Variants in ABCC12 observed in about 807,000 individuals in gnomAD.
ABCC12 encodes the protein ATP-binding cassette sub-family C member 12.
ABCC12 carries 142 observed loss-of-function variants against 151.1 expected under a neutral mutation model. The ratio of observed to expected loss-of-function variants is 0.94; its 90% confidence interval spans 0.82 to 1.08. ABCC12 has a LOEUF of 1.08. Among genes scored for constraint, ABCC12 ranks in the 50% least tolerant of loss-of-function variants. The pLI is 0.00. For missense variants in ABCC12, 1,638 were observed against 1,691.1 expected, an observed-to-expected ratio of 0.97 and a Z score of 0.55; for synonymous variants, 645 against 646.4, an observed-to-expected ratio of 1.00 and a Z score of 0.03.
chr16:48,084,444 G>A (rs1402324013), intron 29 of ABCC12, among the ~76,000 whole-genome samples: 1 of 152,214 alleles, frequency 6.6e-6, no homozygotes, highest in Non-Finnish European at 1.5e-5. Context: ...CTATATTGCT[G>A]CCATACCAAA....
chr16:48,110,401 T>A (rs1963644228), intron 18 of ABCC12, among the ~76,000 whole-genome samples: 1 of 152,208 alleles, frequency 6.6e-6, no homozygotes, highest in Admixed American at 6.5e-5. Flanking sequence ...GTGCGAAGTT[T>A]TTTTTTTGGC....
At chr16:48,122,283 C>T (rs1310827438) in intron 12 of ABCC12, among the ~76,000 whole-genome samples, 1 of 152,230 alleles carries the variant, frequency 6.6e-6, no homozygotes, top group Non-Finnish European at 1.5e-5. Flanking sequence ...TTGGCACACC[C>T]CATCTTCAGG....
At chr16:48,101,140 T>G in intron 22 of ABCC12, 131 bp from the exon 23 acceptor site, 2 of 1,117,266 alleles carry the variant, frequency 1.8e-6, no homozygotes, top group Non-Finnish European at 2.5e-6. Context: ...TAACTGGGGA[T>G]GAAGAGCAGC....
intron 3 of ABCC12, among the ~76,000 whole-genome samples, chr16:48,144,497 G>T (rs764390283): frequency 1.3e-5 from 2 of 148,430 alleles, no homozygotes; most frequent in Non-Finnish European, 3.0e-5. Flanking sequence ...GCCCAGAATT[G>T]CAGGGCATTA....
chr16:48,091,363 G>A lies in ABCC12; in HGVS notation c.3196-154C>T, dbSNP rs914607781. On this transcript the variant is annotated intron_variant, in intron 24 of 30. Transcript: ENST00000311303. ...GCCTGCCTTCCCAGCCAAGCGCCCA[G>A]AAGTAAAGATATTCCTGTTCGGGTG... 7.4e-6 allele frequency: 5 copies of A among 674,936 alleles called. No homozygotes were observed. The Admixed American group carries it at 1.2e-4, about 16-fold the overall frequency. 41.8% of individuals were successfully genotyped at this position (674,936 alleles called of 1,614,324 possible). A position where few individuals can be genotyped will look rare whatever the true frequency, so the allele number is the denominator to read the frequency against.
chr16:48,121,904 A>T, intron 12 of ABCC12, 64 bp from the exon 13 acceptor site: 1 of 1,604,898 alleles, frequency 6.2e-7, no homozygotes, highest in East Asian at 2.2e-5. Context: ...TCAAATGCCC[A>T]TTGCACCCTG....
At chr16:48,123,131 A>G (rs549637092) in intron 12 of ABCC12, among the ~76,000 whole-genome samples, 7 of 152,326 alleles carry the variant, frequency 4.6e-5, no homozygotes, top group Admixed American at 1.3e-4. Context: ...AAGGAGGCAA[A>G]TTTCACTCCA....
intron 15 of ABCC12, 133 bp downstream of exon 15, chr16:48,115,282 C>T: frequency 9.2e-7 from 1 of 1,081,496 alleles, no homozygotes; most frequent in African/African-American, 1.6e-5. Context: ...ATGAGTGTCT[C>T]TTGCATCCCT....
At chr16:48,092,619 T>G (rs1320642723) in intron 24 of ABCC12, among the ~76,000 whole-genome samples, 3 of 152,194 alleles carry the variant, frequency 2.0e-5, no homozygotes, top group Non-Finnish European at 4.4e-5. Context: ...GGCCAGGTAC[T>G]GGTTGGGGTG....
chr16:48,129,655 T>C (rs935581754), intron 10 of ABCC12, among the ~76,000 whole-genome samples: 5 of 152,056 alleles, frequency 3.3e-5, no homozygotes, highest in Non-Finnish European at 7.4e-5. Flanking sequence ...TTTTGACAGC[T>C]CTCTTGGGGT....
At position 48,138,275 on chromosome 16, in the gene ABCC12, A is replaced by G; in HGVS notation, c.932T>C (p.Leu311Pro). The G allele has an allele frequency of 6.2e-7, 1 of 1,612,556 alleles. No homozygotes were observed. Among genetic ancestry groups the G allele is most frequent in the Non-Finnish European group, 8.5e-7 (1 of 1,178,840 alleles). The change falls in exon 8 of 31, where the codon CTG (leucine) becomes CCG (proline). Residue 311 changes from leucine (L) to proline (P), a missense_variant. By Grantham distance (98) the Leu-to-Pro change is moderately conservative (BLOSUM62 -3). Coordinates refer to ENST00000311303, the MANE Select transcript of ABCC12 (RefSeq NM_001393797.1). ...TTTCTCCCAGGCATACATTTTGATCAGCCTGATGCAGGTCAGAAACTCATT... is the reference window on the plus strand; with the variant it reads ...TTTCTCCCAGGCATACATTTTGATCGGCCTGATGCAGGTCAGAAACTCATT... ...TMNEFLTCIR[L>P]IKMYAWEKSF... is the part of the protein sequence containing the mutation.
chr16:48,111,781 ACT>A lies in ABCC12; in HGVS notation c.2117_2118del (p.Gln706LeufsTer5). On this transcript the variant is annotated frameshift_variant, in exon 16 of 31. Transcript: ENST00000311303. LOFTEE classifies it high-confidence loss of function. ...CCTGCCCAGGTGTGAGTTACCTTGA[ACT>A]GCAATCCTCGCAGGTTGTGAATCAG... ...AKLIHNLRGL[Q>X]FKDPEHLYNA... The A allele has an allele frequency of 6.2e-7, 1 of 1,614,076 alleles. No individual in the cohort carries two copies. The highest frequency in any genetic ancestry group is 8.5e-7 in the Non-Finnish European group (1 of 1,179,998).
rs1963691315 is a variant in ABCC12 at position 48,111,625 on chromosome 16, G to C, written c.2162C>G (p.Ala721Gly). Reference sequence around the variant, plus strand: ...TCTCTCAGCAGGGCTCTCCTTGAAGGCTTCCACCATTGCTGCATTGTAAAG... The same window carrying C: ...TCTCTCAGCAGGGCTCTCCTTGAAGCCTTCCACCATTGCTGCATTGTAAAG... ...EHLYNAAMVE[A>G]FKESPAEREE... is the part of the protein sequence containing the mutation. Residue 721 changes from alanine to glycine, a missense_variant, in exon 17 of 31, where the codon GCC (alanine) becomes GGC (glycine). Ala to Gly is a moderately conservative substitution (Grantham distance 60). Coordinates refer to ENST00000311303, the MANE Select transcript of ABCC12 (RefSeq NM_001393797.1). 1 of 1,614,032 alleles carries C rather than the reference G, an allele frequency of 6.2e-7. No individual in the cohort carries two copies. Among genetic ancestry groups the C allele is most frequent in the Non-Finnish European group, 8.5e-7 (1 of 1,180,044 alleles).
In ABCC12 at chr16:48,083,925, AC is replaced by A; in HGVS notation, c.3976del (p.Val1326LeufsTer7). On this transcript the variant is annotated frameshift_variant, in exon 30 of 31. Transcript: ENST00000311303. LOFTEE classifies it high-confidence loss of function. ...NTVLNCDHVL[V>X]MENGKVIEFD... ...TTCCTATACCTTCCCATTTTCCATAACCAGGACGTGATCGCAGTTGAGAACT... is the reference window on the plus strand; with the variant it reads ...TTCCTATACCTTCCCATTTTCCATAACAGGACGTGATCGCAGTTGAGAACT... The A allele has an allele frequency of 6.2e-7, 1 of 1,612,650 alleles. No homozygotes were observed. Among genetic ancestry groups the A allele is most frequent in the South Asian group, 1.1e-5 (1 of 90,728 alleles).
intron 23 of ABCC12, 130 bp from the exon 24 acceptor site, chr16:48,097,032 G>C: frequency 9.5e-7 from 1 of 1,056,672 alleles, no homozygotes; most frequent in Admixed American, 1.9e-5. Flanking sequence ...TTTAATCAAG[G>C]GAACACACTC....
intron 18 of ABCC12, among the ~76,000 whole-genome samples, chr16:48,111,092 A>ACTATTGAGCATCACTGTGTGTCT (rs1399598275): frequency 6.6e-6 from 1 of 152,196 alleles, no homozygotes; most frequent in Non-Finnish European, 1.5e-5. Flanking sequence ...GCTCATAATA[A>ACTATTGAGCATCACTGTGTGTCT]CTATTGAGCA....
At chr16:48,134,300 A>G (rs1043671793) in intron 8 of ABCC12, among the ~76,000 whole-genome samples, 1 of 152,226 alleles carries the variant, frequency 6.6e-6, no homozygotes, top group East Asian at 1.9e-4. Flanking sequence ...AACTGCAAGT[A>G]TGGAAACAAA....
chr16:48,108,659 G>A (rs1597310062), intron 18 of ABCC12, 130 bp from the exon 19 acceptor site: 2 of 657,294 alleles, frequency 3.0e-6, no homozygotes, highest in Non-Finnish European at 5.3e-6. Flanking sequence ...CTCGTCCCAT[G>A]CTCTCAAATG....
rs1962483630 is a variant in ABCC12 at position 48,084,175 on chromosome 16, C to T, written c.3829-102G>A. On this transcript the variant is annotated intron_variant, in intron 29 of 30. Coordinates refer to ENST00000311303, the MANE Select transcript of ABCC12 (RefSeq NM_001393797.1). ...AAAAAGAAGAAGAAGAAAAATAAGACCACAAGATGAAAAGTAATTAGCTAA... is the reference window on the plus strand; with the variant it reads ...AAAAAGAAGAAGAAGAAAAATAAGATCACAAGATGAAAAGTAATTAGCTAA... 7.4e-6 allele frequency: 9 copies of T among 1,224,204 alleles called. No homozygotes were observed. In the South Asian group the frequency reaches 1.2e-4, roughly 16 times the overall value. 75.8% of individuals were successfully genotyped at this position (1,224,204 alleles called of 1,614,324 possible).
Sources: gnomAD v4.1 joint callset for allele counts (sites outside exome capture counted in the v4.1 genomes callset) on GRCh38, gnomAD v4.1.1 for gene constraint, MANE v1.5 for transcripts, NCBI Gene and HGNC (gene_info 2026-07-23, HGNC 2026-07-21) for gene names.